CXCL14: variants seen among roughly 807,000 people sequenced by gnomAD.
The protein encoded by CXCL14 is C-X-C motif chemokine ligand 14, also known as C-X-C motif chemokine 14.
In CXCL14, 9 loss-of-function variants were observed where a neutral mutation model predicts 16.1. The ratio of observed to expected loss-of-function variants is 0.56; its 90% CI spans 0.34 to 0.97. CXCL14 has a LOEUF of 0.97. Ranked by LOEUF, CXCL14 falls within the 50% of genes least tolerant of loss-of-function variation. The pLI is 0.02. For synonymous variants in CXCL14, 55 were observed against 52.8 expected (o/e 1.04, Z -0.18); for missense variants, 111 against 132.5 (o/e 0.84, Z 0.80).
chr5:135,573,146 C>G (rs1751050889), intron 3 of CXCL14, among the ~76,000 whole-genome samples: 1 of 152,114 alleles, frequency 6.6e-6, no homozygotes, highest in Non-Finnish European at 1.5e-5. Context: ...TGAGTATCCC[C>G]CAGCAATCAG....
intron 2 of CXCL14, among the ~76,000 whole-genome samples, chr5:135,575,403 C>A (rs1319169869): frequency 1.3e-5 from 2 of 152,214 alleles, no homozygotes; most frequent in African/African-American, 2.4e-5. Flanking sequence ...AGGTGTTGTG[C>A]AGACTGTAAG....
At chr5:135,573,283 G>T (rs1445508090) in intron 3 of CXCL14, among the ~76,000 whole-genome samples, 2 of 152,246 alleles carry the variant, frequency 1.3e-5, no homozygotes, top group Non-Finnish European at 2.9e-5. Context: ...CACATGAGCT[G>T]CCTGGCTTGA....
In CXCL14 at chr5:135,571,742, CTTTTTTTTTTT is replaced by C. The variant is rs566365690; in HGVS notation, c.*100_*110del. Reference sequence around the variant, plus strand: ...GTCTTATGCCTGTGAGAAAGAAAGGCTTTTTTTTTTTTTTTTTTTTTTTTTTTTTTTTTTTT... The same window carrying C: ...GTCTTATGCCTGTGAGAAAGAAAGGCTTTTTTTTTTTTTTTTTTTTTTTTT... On this transcript the variant is annotated 3_prime_UTR_variant, in exon 4 of 4. Coordinates refer to ENST00000512158, the MANE Select transcript of CXCL14 (RefSeq NM_004887.5). 4 of 460,618 alleles carry C rather than the reference CTTTTTTTTTTT, an allele frequency of 8.7e-6. No individual in the cohort carries two copies. Among genetic ancestry groups the C allele is most frequent in the Admixed American group, 6.4e-5 (1 of 15,536 alleles). The allele number at this position is 460,618 out of a possible 1,614,324, so 28.5% of individuals were successfully genotyped here. A position where few individuals can be genotyped will look rare whatever the true frequency, so the allele number is the denominator to read the frequency against.
At position 135,571,761 on chromosome 5, in the gene CXCL14, T is replaced by TAA; in HGVS notation, c.*91_*92insTT. On this transcript the variant is annotated 3_prime_UTR_variant, in exon 4 of 4. Transcript: ENST00000512158. Reference sequence around the variant, plus strand: ...GAAAGGCTTTTTTTTTTTTTTTTTTTTTTTTTTTTTTTTTTTTTTTTTTTA... The same window carrying TAA: ...GAAAGGCTTTTTTTTTTTTTTTTTTTAATTTTTTTTTTTTTTTTTTTTTTTTA... The TAA allele has an allele frequency of 4.1e-5, 5 of 122,808 alleles. No homozygotes were observed. Among genetic ancestry groups the TAA allele is most frequent in the South Asian group, 1.7e-4 (1 of 5,776 alleles). The allele number at this position is 122,808 out of a possible 1,614,324, so 7.6% of individuals were successfully genotyped here. A position where few individuals can be genotyped will look rare whatever the true frequency, so the allele number is the denominator to read the frequency against.
chr5:135,572,275 G>A (rs1174054153), intron 3 of CXCL14, among the ~76,000 whole-genome samples: 1 of 152,208 alleles, frequency 6.6e-6, no homozygotes, highest in Non-Finnish European at 1.5e-5. Context: ...TTCCGCGTCT[G>A]TACTCAGCCT....
At chr5:135,577,337 A>C (rs1393306386) in intron 2 of CXCL14, among the ~76,000 whole-genome samples, 6 of 152,084 alleles carry the variant, frequency 3.9e-5, no homozygotes, top group Non-Finnish European at 7.4e-5. Flanking sequence ...ATTTTTGGGT[A>C]TTTTCTTTGA....
At chr5:135,577,457 C>T (rs1423738693) in intron 2 of CXCL14, among the ~76,000 whole-genome samples, 2 of 152,362 alleles carry the variant, frequency 1.3e-5, no homozygotes, top group South Asian at 2.1e-4. Flanking sequence ...CCCCTAATTT[C>T]AGCCTGACAG....
chr5:135,574,304 T>C (rs1242995264), intron 3 of CXCL14, among the ~76,000 whole-genome samples: 7 of 152,192 alleles, frequency 4.6e-5, no homozygotes, highest in Admixed American at 4.6e-4. Context: ...ATAATGCAAA[T>C]ATTAGAGTGA....
intron 3 of CXCL14, 33 bp downstream of exon 3, chr5:135,574,539 G>C (rs746744931): frequency 6.3e-7 from 1 of 1,578,466 alleles, no homozygotes; most frequent in Admixed American, 1.7e-5. Context: ...GCTGGGTCTG[G>C]TGGGAAGGAA....
Position 135,578,967 on chromosome 5 carries a change from G to T in CXCL14, c.-189C>A. On this transcript the variant is annotated 5_prime_UTR_variant, in exon 1 of 4. Coordinates refer to ENST00000512158, the MANE Select transcript of CXCL14 (RefSeq NM_004887.5). ...TGTCTGTGGCCGTGCGCTGCGCTCT[G>T]CGCTTGTCTCCGCGCTCTCTCCACA... 2 of 590,034 alleles carry T rather than the reference G, an allele frequency of 3.4e-6. No homozygotes were observed. The highest frequency in any genetic ancestry group is 2.6e-5 in the South Asian group (1 of 38,380). The allele number at this position is 590,034 out of a possible 1,614,324, so 36.5% of individuals were successfully genotyped here.
intron 3 of CXCL14, among the ~76,000 whole-genome samples, chr5:135,573,408 A>G (rs1751052943): frequency 6.6e-6 from 1 of 152,248 alleles, no homozygotes. Context: ...AAAAAGGCTC[A>G]GGTATAGGGG....
At position 135,578,490 on chromosome 5, in the gene CXCL14, G is replaced by A. The variant is rs1216779860; in HGVS notation, c.114C>T (p.Asp38=). The A allele has an allele frequency of 6.2e-7, 1 of 1,614,202 alleles. No homozygotes were observed. The highest frequency in any genetic ancestry group is 1.1e-5 in the South Asian group (1 of 91,084). ...SRKGPKIRYS[D]VKKLEMKPKY... ...TTGGCTTCATTTCCAGCTTCTTCAC[G>A]TCGCTGTAGCGGATCTTGGGTCCCT... is the stretch of plus-strand genomic sequence containing the variant. Residue 38 remains aspartate, a synonymous_variant, in exon 2 of 4, where the codon GAC becomes GAT. Transcript: ENST00000512158.
chr5:135,571,913 A>G (rs1580692918), intron 3 of CXCL14, 45 bp from the exon 4 acceptor site: 15 of 1,608,344 alleles, frequency 9.3e-6, no homozygotes, highest in African/African-American at 1.3e-5. Context: ...GACATGAGGC[A>G]GGCCGTTCAC....
intron 3 of CXCL14, among the ~76,000 whole-genome samples, chr5:135,574,283 G>T (rs1751065832): frequency 6.6e-6 from 1 of 152,210 alleles, no homozygotes; most frequent in African/African-American, 2.4e-5. Context: ...ATAAAAAGAG[G>T]AATTAAGATT....
intron 2 of CXCL14, among the ~76,000 whole-genome samples, chr5:135,577,650 G>C (rs923823822): frequency 7.9e-5 from 12 of 152,214 alleles, no homozygotes; most frequent in Admixed American, 3.9e-4. Context: ...CAAATATTTG[G>C]TAGCCGCTTT....
chr5:135,578,401 C>T (rs980887903), intron 2 of CXCL14, 33 bp downstream of exon 2: 1 of 1,567,386 alleles, frequency 6.4e-7, no homozygotes, highest in Non-Finnish European at 8.8e-7. Context: ...GACAGCAGTG[C>T]GCACCCCCTC....
Position 135,578,415 on chromosome 5 carries a change from G to T in CXCL14, c.170+19C>A. On this transcript the variant is annotated intron_variant, in intron 2 of 3. Coordinates refer to ENST00000512158, the MANE Select transcript of CXCL14 (RefSeq NM_004887.5). ...TGACAGCAGTGCGCACCCCCTCAAG[G>T]TGAGGAGCGAGAACTCACATAACCA... 1.9e-6 allele frequency: 3 copies of T among 1,600,436 alleles called. No individual in the cohort carries two copies. The highest frequency in any genetic ancestry group is 2.6e-6 in the Non-Finnish European group (3 of 1,167,496).
chr5:135,578,425 A>C lies in CXCL14; in HGVS notation c.170+9T>G, dbSNP rs761987854. ...GCGCACCCCCTCAAGGTGAGGAGCG[A>C]GAACTCACATAACCATCTTCTCCTC... On this transcript the variant is annotated intron_variant, in intron 2 of 3. Transcript: ENST00000512158. 6.2e-7 allele frequency: 1 copy of C among 1,611,308 alleles called. No individual in the cohort carries two copies. The highest frequency in any genetic ancestry group is 2.2e-5 in the East Asian group (1 of 44,874).
chr5:135,572,792 C>T (rs1451331430), intron 3 of CXCL14, among the ~76,000 whole-genome samples: 1 of 152,232 alleles, frequency 6.6e-6, no homozygotes, highest in Non-Finnish European at 1.5e-5. Context: ...CCACCGTATA[C>T]CCTTCTACTT....
Sources: gnomAD v4.1 joint callset for allele counts (sites outside exome capture counted in the v4.1 genomes callset) on GRCh38, gnomAD v4.1.1 for gene constraint, MANE v1.5 for transcripts, NCBI Gene and HGNC (gene_info 2026-07-23, HGNC 2026-07-21) for gene names.